Variants in AKAP6 observed in about 807,000 individuals in gnomAD.
AKAP6 encodes the protein A-kinase anchor protein 6.
AKAP6 carries 58 observed loss-of-function variants against 188.5 expected under a neutral mutation model. The ratio of observed to expected loss-of-function variants is 0.31; its 90% CI spans 0.25 to 0.38. The LOEUF (loss-of-function observed/expected upper bound fraction) is 0.38, where lower values mean the gene tolerates loss of function less well. AKAP6 is among the 10% of genes least tolerant of loss of function. The probability of loss-of-function intolerance (pLI) is 1.00; values close to 1 mark genes in which losing one functional copy is unlikely to be tolerated. For synonymous variants in AKAP6, 989 were observed against 998.6 expected, an observed-to-expected ratio of 0.99 and a Z score of 0.18; for missense variants, 2,710 against 2,740.0, an observed-to-expected ratio of 0.99 and a Z score of 0.24.
rs2034855053 is a variant in AKAP6, at chr14:32,834,542, T to TTTTTTTTTTTTTG, written c.*4749_*4750insGTTTTTTTTTTTT. 1 of 149,998 alleles carries TTTTTTTTTTTTTG rather than the reference T, an allele frequency of 6.7e-6. No homozygotes were observed. The highest frequency in any genetic ancestry group is 6.7e-5 in the Admixed American group (1 of 15,004). 9.3% of individuals were successfully genotyped at this position (149,998 alleles called of 1,614,324 possible). ...CTTTTAGTTTCCAAGTCTTTTTTTT[T>TTTTTTTTTTTTTG]TTTTTTTTTTTTAAATCTTGCATAG... is the stretch of plus-strand genomic sequence containing the variant. On this transcript the variant is annotated 3_prime_UTR_variant, in exon 14 of 14. Transcript: ENST00000280979.
chr14:32,347,124 A>G lies in AKAP6; in HGVS notation c.-35+17716A>G, dbSNP rs921984655. ...AAATAAAAAGTAAAAGCTTTGCTCT[A>G]TTTAGGATTCTGCATCCTTTGTATG... On this transcript the variant is annotated intron_variant, in intron 1 of 13. Transcript: ENST00000280979. 6.6e-5 allele frequency among the ~76,000 whole-genome samples: 10 copies of G among 152,218 alleles called. No individual in the cohort carries two copies. In the East Asian group the frequency reaches 7.7e-4, roughly 12 times the overall value.
At chr14:32,531,081 A>G (rs1393507423) in intron 2 of AKAP6, among the ~76,000 whole-genome samples, 1 of 152,178 alleles carries the variant, frequency 6.6e-6, no homozygotes, top group Non-Finnish European at 1.5e-5. Context: ...GAAGTCAGCA[A>G]TTGGTAACAT....
rs908935892 is a variant in AKAP6, at chr14:32,551,496, C to G, written c.2346+4497C>G. Among the ~76,000 whole-genome samples the G allele has an allele frequency of 2.7e-4, 40 of 145,578 alleles. 1 individual carries two copies. Among genetic ancestry groups the G allele is most frequent in the Non-Finnish European group, 5.4e-4 (36 of 66,974 alleles). On this transcript the variant is annotated intron_variant, in intron 4 of 13. Transcript: ENST00000280979. ...CTGAGGCAGGAGAATTGCTTGAACC[C>G]GGGAGGTGGAGGTTCAGTGAGCTTG...
chr14:32,482,532 T>A (rs865996622), intron 2 of AKAP6, among the ~76,000 whole-genome samples: 3 of 152,232 alleles, frequency 2.0e-5, no homozygotes, highest in Non-Finnish European at 4.4e-5. Context: ...GTTCTGCTTT[T>A]CTTTTCCTTT....
intron 1 of AKAP6, among the ~76,000 whole-genome samples, chr14:32,369,190 AC>A (rs1366899865): frequency 1.3e-5 from 2 of 152,212 alleles, no homozygotes; most frequent in South Asian, 2.1e-4. Flanking sequence ...CAGGACTGCT[AC>A]CAAGATATGC....
chr14:32,585,859 G>T (rs1343694484), intron 5 of AKAP6, among the ~76,000 whole-genome samples: 1 of 152,044 alleles, frequency 6.6e-6, no homozygotes, highest in East Asian at 1.9e-4. Flanking sequence ...GGTGAGAGAG[G>T]TATGGTGAGC....
At chr14:32,529,459 C>G (rs185812558) in intron 2 of AKAP6, among the ~76,000 whole-genome samples, 134 of 152,206 alleles carry the variant, frequency 8.8e-4, no homozygotes, top group Admixed American at 6.2e-3. Context: ...TATGCCTTTT[C>G]TTTCCTCTTT....
chr14:32,350,546 A>G (rs1465140383), intron 1 of AKAP6, among the ~76,000 whole-genome samples: 3 of 152,196 alleles, frequency 2.0e-5, no homozygotes, highest in African/African-American at 7.2e-5. Context: ...GCAAGAGGAC[A>G]TTAATGAAAA....
At chr14:32,827,313 A>T (rs1206393463) in intron 13 of AKAP6, among the ~76,000 whole-genome samples, 2 of 151,808 alleles carry the variant, frequency 1.3e-5, no homozygotes, top group African/African-American at 4.8e-5. Flanking sequence ...TGCTCTTTTT[A>T]TCAGGACAGT....
At chr14:32,797,277 G>A (rs1350170802) in intron 12 of AKAP6, among the ~76,000 whole-genome samples, 2 of 152,064 alleles carry the variant, frequency 1.3e-5, no homozygotes, top group Admixed American at 1.3e-4. Flanking sequence ...CTATTACTGT[G>A]TATATACCCA....
chr14:32,366,608 A>G (rs1214734002), intron 1 of AKAP6, among the ~76,000 whole-genome samples: 1 of 152,166 alleles, frequency 6.6e-6, no homozygotes, highest in Non-Finnish European at 1.5e-5. Flanking sequence ...TTTAACTGGC[A>G]TTGCATATTT....
chr14:32,414,290 G>A (rs755021482), intron 1 of AKAP6, among the ~76,000 whole-genome samples: 1 of 152,120 alleles, frequency 6.6e-6, no homozygotes, highest in Non-Finnish European at 1.5e-5. Flanking sequence ...TGCTGGTTCT[G>A]TTAATAAAGA....
At chr14:32,489,756 T>C (rs1296947002) in intron 2 of AKAP6, among the ~76,000 whole-genome samples, 1 of 152,224 alleles carries the variant, frequency 6.6e-6, no homozygotes. Flanking sequence ...AATGCCCATG[T>C]AGGCATCTCT....
chr14:32,392,814 A>G (rs1319941377), intron 1 of AKAP6, among the ~76,000 whole-genome samples: 1 of 152,218 alleles, frequency 6.6e-6, no homozygotes, highest in Non-Finnish European at 1.5e-5. Flanking sequence ...ATTATAATTC[A>G]TAGACTGAAA....
intron 12 of AKAP6, among the ~76,000 whole-genome samples, chr14:32,774,517 A>C (rs1298974213): frequency 6.6e-6 from 1 of 152,168 alleles, no homozygotes; most frequent in East Asian, 1.9e-4. Flanking sequence ...GATTCCTTTT[A>C]AGGATTTTCC....
chr14:32,793,701 A>C (rs1001894707), intron 12 of AKAP6, among the ~76,000 whole-genome samples: 1 of 151,946 alleles, frequency 6.6e-6, no homozygotes, highest in Non-Finnish European at 1.5e-5. Context: ...AGAACTTTCC[A>C]CCCCAAAACA....
At chr14:32,517,926 T>C (rs1345397605) in intron 2 of AKAP6, among the ~76,000 whole-genome samples, 6 of 152,212 alleles carry the variant, frequency 3.9e-5, no homozygotes, top group Admixed American at 2.6e-4. Flanking sequence ...CCGAGTAGCC[T>C]AACTGGGAGA....
intron 5 of AKAP6, among the ~76,000 whole-genome samples, chr14:32,588,395 T>C (rs1885342567): frequency 6.6e-6 from 1 of 152,236 alleles, no homozygotes; most frequent in Non-Finnish European, 1.5e-5. Flanking sequence ...CTCAATGAAC[T>C]TTATTGTAAC....
chr14:32,515,404 A>G (rs1417005458), intron 2 of AKAP6, among the ~76,000 whole-genome samples: 1 of 152,028 alleles, frequency 6.6e-6, no homozygotes, highest in Non-Finnish European at 1.5e-5. Flanking sequence ...TAGGACTGGA[A>G]CTCAAGTCTT....
Sources: gnomAD v4.1 joint callset for allele counts (sites outside exome capture counted in the v4.1 genomes callset) on GRCh38, gnomAD v4.1.1 for gene constraint, MANE v1.5 for transcripts, NCBI Gene and HGNC (gene_info 2026-07-23, HGNC 2026-07-21) for gene names.